Variants in PREX2 observed in about 807,000 individuals in gnomAD.
PREX2 encodes the protein phosphatidylinositol-3,4,5-trisphosphate dependent Rac exchange factor 2, also known as phosphatidylinositol 3,4,5-trisphosphate-dependent Rac exchanger 2 protein.
PREX2 carries 107 observed loss-of-function variants against 203.2 expected under a neutral mutation model. The ratio of observed to expected loss-of-function variants is 0.53; its 90% CI spans 0.45 to 0.62. The LOEUF is 0.62. Among genes scored for constraint, PREX2 ranks in the 20% least tolerant of loss-of-function variants. PREX2 has a pLI of 0.00. For synonymous variants in PREX2, 672 were observed against 663.6 expected, an observed-to-expected ratio of 1.01 and a Z score of -0.19; for missense variants, 1,777 against 1,955.9, an observed-to-expected ratio of 0.91 and a Z score of 1.72.
chr8:68,021,577 T>A (rs539371105), intron 3 of PREX2, among the ~76,000 whole-genome samples: 1 of 152,344 alleles, frequency 6.6e-6, no homozygotes, highest in African/African-American at 2.4e-5. Context: ...TCCTTTTGCC[T>A]TCATCTAAAT....
intron 39 of PREX2, 39 bp from the exon 40 acceptor site, chr8:68,231,294 A>G (rs2129615649): frequency 6.6e-7 from 1 of 1,509,896 alleles, no homozygotes; most frequent in African/African-American, 1.4e-5. Context: ...TAATGGTAAT[A>G]CACTAAGTCA....
chr8:68,098,693 G>A (rs1042969719), intron 22 of PREX2, among the ~76,000 whole-genome samples: 1 of 148,346 alleles, frequency 6.7e-6, no homozygotes, highest in African/African-American at 2.4e-5. Flanking sequence ...AGAAAAAACA[G>A]TCAAGAAAGA....
chr8:68,062,480 T>C (rs930922121), intron 11 of PREX2, among the ~76,000 whole-genome samples: 8 of 152,210 alleles, frequency 5.3e-5, no homozygotes, highest in Non-Finnish European at 1.2e-4. Context: ...CACCTCGCAT[T>C]GTACCTAACT....
chr8:68,043,969 G>A (rs1808268549), intron 7 of PREX2, among the ~76,000 whole-genome samples: 1 of 152,042 alleles, frequency 6.6e-6, no homozygotes, highest in Admixed American at 6.6e-5. Flanking sequence ...TGTTCAACAA[G>A]TATACAGTGA....
intron 23 of PREX2, 48 bp downstream of exon 23, chr8:68,099,891 T>C (rs1810209282): frequency 6.9e-7 from 1 of 1,446,772 alleles, no homozygotes; most frequent in Non-Finnish European, 9.7e-7. Context: ...AAATTATTAT[T>C]TGAATGTCAA....
intron 1 of PREX2, among the ~76,000 whole-genome samples, chr8:67,998,670 C>T (rs560504607): frequency 6.6e-5 from 10 of 152,146 alleles, no homozygotes; most frequent in South Asian, 6.2e-4. Flanking sequence ...CAGGTGGTGA[C>T]GAGGTGGGAG....
At chr8:68,069,256 A>G (rs188192365) in intron 12 of PREX2, 120 bp downstream of exon 12, 6,684 of 596,722 alleles carry the variant, frequency 0.011, 121 homozygotes, top group South Asian at 0.048. Flanking sequence ...TCGACTATAT[A>G]TACAAGCAAG....
intron 11 of PREX2, among the ~76,000 whole-genome samples, chr8:68,068,217 G>T (rs1039123969): frequency 1.9e-4 from 29 of 151,912 alleles, no homozygotes; most frequent in African/African-American, 7.0e-4. Context: ...ATAAGTTTTG[G>T]AAGTGTTCCT....
intron 31 of PREX2, 61 bp from the exon 32 acceptor site, chr8:68,133,998 C>T (rs1811059353): frequency 2.3e-6 from 3 of 1,295,760 alleles, no homozygotes; most frequent in South Asian, 1.2e-5. Context: ...ATGCTGAACG[C>T]ATTGGTTTTC....
At chr8:67,956,513 G>C (rs1310624309) in intron 1 of PREX2, among the ~76,000 whole-genome samples, 1 of 152,158 alleles carries the variant, frequency 6.6e-6, no homozygotes, top group Non-Finnish European at 1.5e-5. Flanking sequence ...ATACATGAAA[G>C]AAAAAAGCTT....
At chr8:68,080,161 G>A (rs1563533774) in intron 15 of PREX2, among the ~76,000 whole-genome samples, 2 of 152,110 alleles carry the variant, frequency 1.3e-5, no homozygotes, top group East Asian at 1.9e-4. Context: ...TCTGGAAAGC[G>A]AAGGACTTGG....
chr8:67,974,806 C>T (rs2129608931), intron 1 of PREX2, among the ~76,000 whole-genome samples: 1 of 152,276 alleles, frequency 6.6e-6, no homozygotes, highest in East Asian at 1.9e-4. Flanking sequence ...GTTTCAAATT[C>T]ATTTATTGCT....
At chr8:68,023,314 G>A (rs972068047) in intron 4 of PREX2, among the ~76,000 whole-genome samples, 2 of 152,236 alleles carry the variant, frequency 1.3e-5, no homozygotes, top group Non-Finnish European at 2.9e-5. Flanking sequence ...TCTGATTATA[G>A]CCATGCTAGT....
intron 1 of PREX2, among the ~76,000 whole-genome samples, chr8:67,969,416 C>G (rs541128596): frequency 6.6e-6 from 1 of 152,162 alleles, no homozygotes; most frequent in African/African-American, 2.4e-5. Flanking sequence ...CATGCAGGAG[C>G]CTCTGGCACT....
intron 37 of PREX2, among the ~76,000 whole-genome samples, chr8:68,201,417 C>T (rs1474008834): frequency 2.6e-5 from 4 of 152,042 alleles, no homozygotes; most frequent in African/African-American, 9.7e-5. Context: ...GGTGAGGTCC[C>T]ACAATAGGCC....
intron 35 of PREX2, among the ~76,000 whole-genome samples, 166 bp downstream of exon 35, chr8:68,157,602 CT>C (rs1240244185): frequency 3.9e-5 from 6 of 152,052 alleles, no homozygotes; most frequent in South Asian, 4.2e-4. Flanking sequence ...ATTTGTTATA[CT>C]TTTTCCCAGT....
chr8:67,998,373 C>T (rs1481988215), intron 1 of PREX2, among the ~76,000 whole-genome samples: 2 of 152,232 alleles, frequency 1.3e-5, no homozygotes, highest in East Asian at 1.9e-4. Flanking sequence ...CTGTCCCCAA[C>T]CTTCAGCGTG....
intron 8 of PREX2, among the ~76,000 whole-genome samples, chr8:68,050,836 T>C: frequency 6.6e-6 from 1 of 152,036 alleles, no homozygotes; most frequent in East Asian, 1.9e-4. Flanking sequence ...GGTAGCTTGA[T>C]GAGAAACTCA....
chr8:68,108,656 C>G (rs111551697), intron 24 of PREX2, among the ~76,000 whole-genome samples: 4 of 152,176 alleles, frequency 2.6e-5, no homozygotes, highest in African/African-American at 9.7e-5. Flanking sequence ...ACCTGAGGAA[C>G]AGCTGCAGCA....
Sources: allele counts gnomAD v4.1 joint callset (sites outside exome capture counted in the v4.1 genomes callset), GRCh38; gene constraint gnomAD v4.1.1; transcripts MANE v1.5; gene names NCBI Gene and HGNC (gene_info 2026-07-23, HGNC 2026-07-21).